Variants in C11orf65 observed in about 807,000 individuals in gnomAD.
C11orf65 encodes protein MFI.
A neutral mutation model predicts 35.3 loss-of-function variants in C11orf65; 38 were observed. The observed-to-expected ratio is 1.08, with a 90% CI of 0.83 to 1.41. C11orf65 has a LOEUF of 1.41. C11orf65 is among the 40% of genes most tolerant of loss of function. C11orf65 has a pLI of 0.00. For synonymous variants in C11orf65, 105 were observed against 114.4 expected (o/e 0.92, Z 0.53); for missense variants, 370 against 367.1 (o/e 1.01, Z -0.06).
chr11:108,430,908 AC>A (rs2092979830), intron 3 of C11orf65, among the ~76,000 whole-genome samples: 1 of 12,950 alleles, frequency 7.7e-5, no homozygotes, highest in South Asian at 1.1e-3. Context: ...ACACACACAC[AC>A]ACACACACAC....
rs945063416 is a variant in C11orf65, at chr11:108,428,925, T to C, written c.174+2821A>G. Among the ~76,000 whole-genome samples the C allele has an allele frequency of 3.9e-5, 6 of 152,306 alleles. No homozygotes were observed. The South Asian group carries it at 6.2e-4, about 16-fold the overall frequency. ...ACATTGGGAGGCCAAGGCATAAGGA[T>C]TGCTTGAGCCCAGGAGTTTGAGACG... On this transcript the variant is annotated intron_variant, in intron 3 of 8. Coordinates refer to ENST00000393084, the MANE Select transcript of C11orf65 (RefSeq NM_152587.5).
rs1555124455 is a variant in C11orf65, at chr11:108,331,879, C to A, written c.300-312G>T. Reference sequence around the variant, plus strand: ...AAATCTAATAGTTCTTTTCTTACAGCTAATCTCTAGAATTTCAATGGATCA... The same window carrying A: ...AAATCTAATAGTTCTTTTCTTACAGATAATCTCTAGAATTTCAATGGATCA... On this transcript the variant is annotated intron_variant, in intron 3 of 3. Transcript: ENST00000524755. 1 of 1,613,154 alleles carries A rather than the reference C, an allele frequency of 6.2e-7. No individual in the cohort carries two copies. The highest frequency in any genetic ancestry group is 1.1e-5 in the South Asian group (1 of 91,050).
intron 2 of C11orf65, among the ~76,000 whole-genome samples, chr11:108,342,668 ATACTT>A (rs2087732523): frequency 6.6e-6 from 1 of 152,200 alleles, no homozygotes; most frequent in Admixed American, 6.6e-5. Flanking sequence ...ATCATTTTCT[ATACTT>A]TATGTATGTT....
At chr11:108,311,115 C>T (rs1463204839) in intron 6 of C11orf65, among the ~76,000 whole-genome samples, 1 of 151,820 alleles carries the variant, frequency 6.6e-6, no homozygotes, top group African/African-American at 2.4e-5. Flanking sequence ...TATAGGCACA[C>T]ACCACTGCAT....
chr11:108,428,503 C>T (rs1044825251), intron 3 of C11orf65, among the ~76,000 whole-genome samples: 1 of 152,130 alleles, frequency 6.6e-6, no homozygotes. Flanking sequence ...GTGTTCATGT[C>T]CTTTGCAGGG....
chr11:108,359,193 CAAAG>C (rs761587651), intron 2 of C11orf65, among the ~76,000 whole-genome samples: 3 of 151,362 alleles, frequency 2.0e-5, no homozygotes, highest in East Asian at 1.9e-4. Flanking sequence ...TCAAAAGAAA[CAAAG>C]AAGGCCATTA....
chr11:108,314,854 C>A (rs890030068), intron 6 of C11orf65, among the ~76,000 whole-genome samples: 2 of 152,172 alleles, frequency 1.3e-5, no homozygotes, highest in African/African-American at 4.8e-5. Context: ...ATTTACAGAA[C>A]TGTACTGTGT....
intron 2 of C11orf65, among the ~76,000 whole-genome samples, chr11:108,356,805 G>T (rs907856287): frequency 1.3e-5 from 2 of 152,206 alleles, no homozygotes; most frequent in African/African-American, 4.8e-5. Context: ...TCAAATGAGA[G>T]AAGTGACAGT....
Position 108,446,523 on chromosome 11 carries a change from A to G in C11orf65, c.82-14685T>C, listed in dbSNP as rs1447877892. Among the ~76,000 whole-genome samples the G allele has an allele frequency of 8.6e-5, 13 of 151,878 alleles. No homozygotes were observed. In the South Asian group the frequency reaches 2.7e-3, roughly 32 times the overall value. Reference sequence around the variant, plus strand: ...ATTTTCAACCCAGAATTTCATATCCAGCCAAACTAAGCTTCATCAGTGAAG... The same window carrying G: ...ATTTTCAACCCAGAATTTCATATCCGGCCAAACTAAGCTTCATCAGTGAAG... On this transcript the variant is annotated intron_variant, in intron 2 of 8. Transcript: ENST00000393084.
chr11:108,310,371 A>G (rs2136022638), intron 6 of C11orf65: 1 of 1,505,414 alleles, frequency 6.6e-7, no homozygotes, highest in Non-Finnish European at 9.2e-7. Flanking sequence ...TGTCTCAATA[A>G]GGGTATATAG....
chr11:108,441,843 T>C (rs2093159641), intron 2 of C11orf65, among the ~76,000 whole-genome samples: 1 of 151,948 alleles, frequency 6.6e-6, no homozygotes, highest in Non-Finnish European at 1.5e-5. Flanking sequence ...AGACCAAAGG[T>C]AGAGAAAACC....
chr11:108,428,734 C>G (rs1173904759), intron 3 of C11orf65, among the ~76,000 whole-genome samples: 1 of 152,082 alleles, frequency 6.6e-6, no homozygotes, highest in African/African-American at 2.4e-5. Flanking sequence ...ATGGGTGCAG[C>G]AAATCACCAT....
intron 3 of C11orf65, among the ~76,000 whole-genome samples, chr11:108,334,809 C>T (rs765040378): frequency 2.6e-5 from 4 of 152,136 alleles, no homozygotes; most frequent in African/African-American, 7.2e-5. Context: ...AAGTTACGAG[C>T]GTGAGCCACC....
At chr11:108,407,950 A>AG (rs1419281079) in intron 3 of C11orf65, among the ~76,000 whole-genome samples, 89 of 146,324 alleles carry the variant, frequency 6.1e-4, no homozygotes, top group Non-Finnish European at 1.2e-3. Context: ...AAAAAAAAAA[A>AG]AAGAAAAGAA....
chr11:108,412,606 T>C (rs989519375), intron 3 of C11orf65, among the ~76,000 whole-genome samples: 31 of 152,120 alleles, frequency 2.0e-4, no homozygotes, highest in African/African-American at 7.5e-4. Context: ...TGTGGTGGCA[T>C]GCACCAGTAG....
intron 7 of C11orf65, among the ~76,000 whole-genome samples, chr11:108,389,743 G>A (rs1292265952): frequency 1.3e-5 from 2 of 151,966 alleles, no homozygotes; most frequent in Non-Finnish European, 2.9e-5. Context: ...GCAGTGGCGC[G>A]ATCTCAGCTC....
At chr11:108,403,496 A>G (rs1207904385) in intron 6 of C11orf65, among the ~76,000 whole-genome samples, 1 of 129,004 alleles carries the variant, frequency 7.8e-6, no homozygotes, top group African/African-American at 3.0e-5. Flanking sequence ...ATCCCGGTCT[A>G]TGGCTTTTAA....
chr11:108,457,023 T>A (rs528948752), intron 2 of C11orf65, among the ~76,000 whole-genome samples: 10 of 152,202 alleles, frequency 6.6e-5, no homozygotes, highest in African/African-American at 2.4e-4. Context: ...GGTTTGAAGA[T>A]GGAGAGGAGA....
chr11:108,447,519 T>A (rs2093280850), intron 2 of C11orf65, among the ~76,000 whole-genome samples: 1 of 152,086 alleles, frequency 6.6e-6, no homozygotes, highest in Non-Finnish European at 1.5e-5. Flanking sequence ...CTGAACAACC[T>A]GCTCCTGAAT....
Sources: gnomAD v4.1 joint callset for allele counts (sites outside exome capture counted in the v4.1 genomes callset) on GRCh38, gnomAD v4.1.1 for gene constraint, MANE v1.5 for transcripts, NCBI Gene and HGNC (gene_info 2026-07-23, HGNC 2026-07-21) for gene names.